Variants in COMMD1 observed in about 807,000 individuals in gnomAD.
COMMD1 encodes COMM domain-containing protein 1.
COMMD1 carries 10 observed loss-of-function variants against 17.2 expected under a neutral mutation model. The ratio of observed to expected loss-of-function variants is 0.58; its 90% CI spans 0.36 to 0.99. The LOEUF (loss-of-function observed/expected upper bound fraction) is 0.99, where lower values mean the gene tolerates loss of function less well. Among genes scored for constraint, COMMD1 ranks in the 50% least tolerant of loss-of-function variants. COMMD1 has a pLI of 0.01. For missense variants in COMMD1, 270 were observed against 231.8 expected (o/e 1.17, Z -1.07); for synonymous variants, 97 against 91.6 (o/e 1.06, Z -0.34).
intron 1 of COMMD1, among the ~76,000 whole-genome samples, chr2:61,943,888 C>T (rs1334447660): frequency 6.6e-6 from 1 of 152,094 alleles, no homozygotes; most frequent in Admixed American, 6.6e-5. Flanking sequence ...TATGCATTTC[C>T]TGGACAATAA....
chr2:62,002,851 A>T (rs1558557390), intron 2 of COMMD1, among the ~76,000 whole-genome samples: 1 of 151,382 alleles, frequency 6.6e-6, no homozygotes, highest in Non-Finnish European at 1.5e-5. Flanking sequence ...CCCTGTTGCA[A>T]AAAAAAAATT....
At chr2:61,896,793 A>G (rs1457448781) in intron 1 of COMMD1, among the ~76,000 whole-genome samples, 4 of 151,428 alleles carry the variant, frequency 2.6e-5, no homozygotes, top group Middle Eastern at 3.2e-3. Flanking sequence ...TAAAACTCAC[A>G]TATGAAAGGT....
intron 1 of COMMD1, among the ~76,000 whole-genome samples, chr2:61,958,648 A>G (rs1264200908): frequency 6.6e-6 from 1 of 152,230 alleles, no homozygotes; most frequent in Admixed American, 6.5e-5. Flanking sequence ...CAATTCTACC[A>G]TAGATTTTCT....
chr2:62,115,864 T>C (rs867747852), intron 2 of COMMD1, among the ~76,000 whole-genome samples: 11 of 143,568 alleles, frequency 7.7e-5, no homozygotes, highest in African/African-American at 2.0e-4. Context: ...TTCTTTCTTT[T>C]TTTTTTTTTT....
In COMMD1 at chr2:62,037,661, A is replaced by G. The variant is rs552024761; in HGVS notation, c.462+36679A>G. Among the ~76,000 whole-genome samples the G allele has an allele frequency of 2.0e-5, 3 of 152,338 alleles. No individual in the cohort carries two copies. In the South Asian group the frequency reaches 6.2e-4, roughly 32 times the overall value. On this transcript the variant is annotated intron_variant, in intron 2 of 2. Transcript: ENST00000311832. ...ATGTTACCCAGAAGTCTCAAAGCCC[A>G]TCATGGGGGAGGGAGAAGCCAACTG...
At chr2:62,044,514 G>T (rs1486901747) in intron 2 of COMMD1, among the ~76,000 whole-genome samples, 1 of 152,152 alleles carries the variant, frequency 6.6e-6, no homozygotes, top group East Asian at 1.9e-4. Flanking sequence ...AATTTAGAAT[G>T]GTTGAAAATA....
chr2:61,969,140 T>G (rs1039512714), intron 1 of COMMD1: 12 of 273,332 alleles, frequency 4.4e-5, no homozygotes, highest in Admixed American at 1.3e-4. Flanking sequence ...TGTAGGTTTT[T>G]TTTGTTTGTT....
At chr2:61,984,536 C>T (rs1672050778) in intron 1 of COMMD1, among the ~76,000 whole-genome samples, 2 of 152,116 alleles carry the variant, frequency 1.3e-5, no homozygotes. Flanking sequence ...AATATTATTT[C>T]AATTTTTTGA....
At chr2:62,099,162 A>T (rs552734725) in intron 2 of COMMD1, among the ~76,000 whole-genome samples, 170 of 152,312 alleles carry the variant, frequency 1.1e-3, no homozygotes, top group African/African-American at 3.9e-3. Context: ...GTTCAGAGAG[A>T]GCAGAGGGTC....
intron 2 of COMMD1, among the ~76,000 whole-genome samples, chr2:62,114,237 G>A (rs1418816108): frequency 3.3e-5 from 5 of 152,182 alleles, no homozygotes; most frequent in African/African-American, 9.7e-5. Context: ...TGATGCAGCT[G>A]CTGTATTTCT....
intron 2 of COMMD1, among the ~76,000 whole-genome samples, chr2:62,045,040 T>C (rs1192767601): frequency 1.3e-5 from 2 of 152,172 alleles, no homozygotes; most frequent in African/African-American, 2.4e-5. Context: ...AAGGGTTTAA[T>C]TGACATGAGG....
intron 2 of COMMD1, among the ~76,000 whole-genome samples, chr2:62,073,211 A>G (rs1267006864): frequency 1.3e-5 from 2 of 152,174 alleles, no homozygotes; most frequent in Non-Finnish European, 1.5e-5. Context: ...TTTGTGGGGG[A>G]AATTTGCATT....
chr2:62,061,984 CA>C (rs59487576), intron 2 of COMMD1, among the ~76,000 whole-genome samples: 81,201 of 129,130 alleles, frequency 0.63, 23,927 homozygotes, highest in East Asian at 0.77. Flanking sequence ...ACAGTTACAG[CA>C]AAAAAAAAAA....
At chr2:62,115,948 G>C (rs963741185) in intron 2 of COMMD1, among the ~76,000 whole-genome samples, 1 of 148,088 alleles carries the variant, frequency 6.8e-6, no homozygotes, top group Non-Finnish European at 1.5e-5. Flanking sequence ...TGCTTCCTGG[G>C]CTCAATTGAT....
intron 2 of COMMD1, among the ~76,000 whole-genome samples, chr2:62,049,883 T>G (rs1273537673): frequency 6.6e-6 from 1 of 151,674 alleles, no homozygotes; most frequent in Non-Finnish European, 1.5e-5. Context: ...AAAAATGCCC[T>G]AAATTTAGTG....
intron 2 of COMMD1, among the ~76,000 whole-genome samples, chr2:62,041,166 A>G (rs191598434): frequency 6.6e-6 from 1 of 152,368 alleles, no homozygotes; most frequent in East Asian, 1.9e-4. Context: ...TTTAGTCAGT[A>G]GATGCCATCA....
intron 1 of COMMD1, among the ~76,000 whole-genome samples, chr2:61,960,034 T>C (rs1444051728): frequency 6.6e-6 from 1 of 152,168 alleles, no homozygotes; most frequent in South Asian, 2.1e-4. Context: ...AAATAAGGAA[T>C]GGCATGGACT....
intron 2 of COMMD1, among the ~76,000 whole-genome samples, chr2:62,080,241 C>G (rs1472861863): frequency 6.6e-6 from 1 of 152,008 alleles, no homozygotes; most frequent in African/African-American, 2.4e-5. Flanking sequence ...TGATTTGAGC[C>G]CAAGAGGTTG....
At chr2:62,120,990 C>T (rs1247088798) in intron 2 of COMMD1, among the ~76,000 whole-genome samples, 3 of 152,052 alleles carry the variant, frequency 2.0e-5, no homozygotes, top group African/African-American at 7.2e-5. Context: ...GCAATCTACA[C>T]ACCTTGGCCT....
Sources: gnomAD v4.1 joint callset for allele counts (sites outside exome capture counted in the v4.1 genomes callset) on GRCh38, gnomAD v4.1.1 for gene constraint, MANE v1.5 for transcripts, NCBI Gene and HGNC (gene_info 2026-07-23, HGNC 2026-07-21) for gene names.